PRKDC: variants seen among roughly 807,000 people sequenced by gnomAD.
PRKDC encodes the protein DNA-dependent protein kinase catalytic subunit.
PRKDC carries 82 observed loss-of-function variants against 486.9 expected under a neutral mutation model. The observed-to-expected ratio is 0.17, with a 90% CI of 0.14 to 0.20. The LOEUF (loss-of-function observed/expected upper bound fraction) is 0.20, where lower values mean the gene tolerates loss of function less well. Ranked by LOEUF, PRKDC falls within the 10% of genes least tolerant of loss-of-function variation. PRKDC has a pLI of 1.00. For synonymous variants in PRKDC, 1,895 were observed against 1,837.0 expected (o/e 1.03, Z -0.81); for missense variants, 4,504 against 5,038.2 (o/e 0.89, Z 3.21).
chr8:47,937,113 T>C (rs1163160262), intron 11 of PRKDC, among the ~76,000 whole-genome samples: 4 of 143,274 alleles, frequency 2.8e-5, no homozygotes, highest in African/African-American at 1.0e-4. Context: ...AAAAAAAAAT[T>C]GGCCAGGCAT....
chr8:47,881,928 A>T lies in PRKDC; in HGVS notation c.4946T>A (p.Leu1649Gln). The stretch of plus-strand genomic sequence containing the variant: ...ATTGAATACCTGTAAAATTTTTGCC[A>T]GTAAGGCCAGCACTGCCATTTTAGT... ...LETKMAVLALLAKILQIDSSV... is the reference protein window; with the variant it reads ...LETKMAVLALQAKILQIDSSV... Residue 1649 changes from leucine to glutamine, a missense_variant, in exon 37 of 86, where the codon CTG becomes CAG. Physicochemically the swap from Leu to Gln is moderately radical, Grantham distance 113. Transcript: ENST00000314191. The T allele has an allele frequency of 6.2e-7, 1 of 1,607,128 alleles. No individual in the cohort carries two copies. The highest frequency in any genetic ancestry group is 8.5e-7 in the Non-Finnish European group (1 of 1,175,788).
In PRKDC at chr8:47,864,547, G is replaced by A. The variant is rs758326291; in HGVS notation, c.5571+9C>T. ...TCACTTCTTATTACTGATTTAAGGCGTATGATACCTTTGTAAACCTGGACT... is the reference window on the plus strand; with the variant it reads ...TCACTTCTTATTACTGATTTAAGGCATATGATACCTTTGTAAACCTGGACT... On this transcript the variant is annotated intron_variant, in intron 41 of 85. Coordinates refer to ENST00000314191, the MANE Select transcript of PRKDC (RefSeq NM_006904.7). 3.1e-5 allele frequency: 50 copies of A among 1,599,664 alleles called. No individual in the cohort carries two copies. Among genetic ancestry groups the A allele is most frequent in the Middle Eastern group, 2.1e-4 (1 of 4,744 alleles).
intron 25 of PRKDC, among the ~76,000 whole-genome samples, chr8:47,907,094 A>G (rs2089797587): frequency 1.3e-5 from 2 of 151,058 alleles, no homozygotes; most frequent in South Asian, 4.2e-4. Context: ...GCTGGAGTGC[A>G]GTGGCGCGCA....
intron 58 of PRKDC, among the ~76,000 whole-genome samples, chr8:47,834,602 A>G (rs2087966445): frequency 6.6e-6 from 1 of 151,598 alleles, no homozygotes; most frequent in Admixed American, 6.6e-5. Flanking sequence ...CAGTGTCCCC[A>G]TTTGTAAAGT....
intron 66 of PRKDC, 108 bp from the exon 67 acceptor site, chr8:47,819,618 A>G (rs376233113): frequency 6.0e-6 from 3 of 500,276 alleles, no homozygotes; most frequent in East Asian, 6.8e-5. Context: ...AAATGTAGCA[A>G]TTATTCTATA....
At chr8:47,927,551 AAGGCACAC>A (rs2090174287) in intron 20 of PRKDC, among the ~76,000 whole-genome samples, 198 bp from the exon 21 acceptor site, 1 of 152,206 alleles carries the variant, frequency 6.6e-6, no homozygotes, top group African/African-American at 2.4e-5. Flanking sequence ...GCAGCCTTTC[AAGGCACAC>A]AGGTTTAACT....
chr8:47,899,777 C>T (rs1391491138), intron 28 of PRKDC, among the ~76,000 whole-genome samples: 2 of 152,192 alleles, frequency 1.3e-5, no homozygotes, highest in Admixed American at 6.5e-5. Context: ...CTGGGACCAA[C>T]GGGGAGTTAA....
intron 70 of PRKDC, among the ~76,000 whole-genome samples, chr8:47,801,270 C>T (rs1165160572): frequency 6.6e-6 from 1 of 152,084 alleles, no homozygotes; most frequent in Non-Finnish European, 1.5e-5. Context: ...TGGGGTTTCG[C>T]CATGTTGCCC....
At chr8:47,833,192 T>G (rs2087929316) in intron 59 of PRKDC, among the ~76,000 whole-genome samples, 1 of 152,220 alleles carries the variant, frequency 6.6e-6, no homozygotes. Flanking sequence ...TAGAGAACTG[T>G]GTGTGGGCCA....
intron 1 of PRKDC, 43 bp from the exon 2 acceptor site, chr8:47,957,474 G>A: frequency 6.7e-7 from 1 of 1,481,536 alleles, no homozygotes; most frequent in South Asian, 1.2e-5. Context: ...AGTGCCAAGA[G>A]CATCATGTAA....
intron 49 of PRKDC, among the ~76,000 whole-genome samples, chr8:47,856,009 G>A (rs1293436684): frequency 6.6e-6 from 1 of 152,234 alleles, no homozygotes; most frequent in Non-Finnish European, 1.5e-5. Flanking sequence ...CCACTCTCTT[G>A]AGTTCAGCTG....
intron 78 of PRKDC, among the ~76,000 whole-genome samples, chr8:47,783,299 A>G (rs1207238611): frequency 1.3e-5 from 2 of 150,604 alleles, no homozygotes; most frequent in Admixed American, 6.6e-5. Context: ...AAGAAAAAAA[A>G]AAAAAAAGCC....
At chr8:47,916,741 A>T (rs527739794) in intron 22 of PRKDC, among the ~76,000 whole-genome samples, 1 of 152,156 alleles carries the variant, frequency 6.6e-6, no homozygotes, top group African/African-American at 2.4e-5. Flanking sequence ...TAGCTGTCAC[A>T]CTTTTCTACG....
intron 43 of PRKDC, 110 bp downstream of exon 43, chr8:47,862,263 G>A (rs568123567): frequency 8.8e-6 from 12 of 1,368,790 alleles, no homozygotes; most frequent in Admixed American, 4.7e-5. Flanking sequence ...AGAATTAAAC[G>A]AACCACATCT....
In PRKDC at chr8:47,887,666, A is replaced by T. The variant is rs974302177; in HGVS notation, c.4453T>A (p.Ser1485Thr). Residue 1485 changes from serine (S) to threonine (T), a missense_variant, in exon 35 of 86, where the codon TCC becomes ACC. Around this residue, in one of 6 missense-constraint regions of PRKDC, gnomAD observed 1,969 missense variants for 2,068.9 expected, o/e 0.95. Transcript: ENST00000314191. Reference protein sequence around the residue: ...LHHSVGTELLSLVYKGIAPGD... With the variant: ...LHHSVGTELLTLVYKGIAPGD... ...GGGGCAATGCCTTTATAAACCAGGG[A>T]AAGAAGTTCTGTGCCAACAGAATGA... 2 of 1,610,460 alleles carry T rather than the reference A, an allele frequency of 1.2e-6. No individual in the cohort carries two copies. Among genetic ancestry groups the T allele is most frequent in the Non-Finnish European group, 1.7e-6 (2 of 1,178,448 alleles).
chr8:47,780,319 G>A (rs2086677439), intron 80 of PRKDC, among the ~76,000 whole-genome samples: 1 of 152,106 alleles, frequency 6.6e-6, no homozygotes, highest in Non-Finnish European at 1.5e-5. Flanking sequence ...TAAGGCTTCT[G>A]CACTCCTATG....
At chr8:47,838,530 C>T (rs1387315024) in intron 56 of PRKDC, among the ~76,000 whole-genome samples, 1 of 151,734 alleles carries the variant, frequency 6.6e-6, no homozygotes, top group Non-Finnish European at 1.5e-5. Flanking sequence ...GAGGATCATA[C>T]GAACCCAGGA....
chr8:47,832,028 G>T, intron 59 of PRKDC, 102 bp from the exon 60 acceptor site: 3 of 1,033,384 alleles, frequency 2.9e-6, no homozygotes, highest in Non-Finnish European at 4.4e-6. Flanking sequence ...ACCTACAGGT[G>T]CCGCAGAGGC....
intron 21 of PRKDC, among the ~76,000 whole-genome samples, chr8:47,920,224 T>C (rs1035736482): frequency 3.9e-5 from 6 of 152,202 alleles, no homozygotes; most frequent in African/African-American, 1.2e-4. Flanking sequence ...CTCCACACTC[T>C]ATATTTCTGT....
Sources: gnomAD v4.1 joint callset for allele counts (sites outside exome capture counted in the v4.1 genomes callset) on GRCh38, gnomAD v4.1.1 for gene constraint, gnomAD v4.1.1 regional missense constraint, MANE v1.5 for transcripts, NCBI Gene and HGNC (gene_info 2026-07-23, HGNC 2026-07-21) for gene names.